The following ZNF286A variants were observed in gnomAD, a reference collection of about 807,000 sequenced individuals.
ZNF286A encodes the protein zinc finger protein 286A, also known as zinc finger protein ZNF286.
Under a neutral mutation model 49.3 loss-of-function variants are expected in ZNF286A, and 34 were observed. That is an observed-to-expected ratio of 0.69 (90% CI 0.52 to 0.92). The LOEUF (loss-of-function observed/expected upper bound fraction) is 0.92, where lower values mean the gene tolerates loss of function less well. ZNF286A is among the 40% of genes least tolerant of loss of function. ZNF286A has a pLI of 0.00. For missense variants in ZNF286A, 462 were observed against 600.2 expected (o/e 0.77, Z 2.41); for synonymous variants, 155 against 200.4 (o/e 0.77, Z 1.91).
Position 15,716,731 on chromosome 17 carries a change from A to T in ZNF286A, c.1007A>T (p.Asn336Ile), listed in dbSNP as rs776510134. Residue 336 changes from asparagine to isoleucine, a missense_variant, in exon 6 of 6, where the codon AAT (asparagine) becomes ATT (isoleucine). Coordinates refer to ENST00000583566, the MANE Select transcript of ZNF286A (RefSeq NM_001130842.2). ...TGCAATGAATGTGGGAAAGGTTTTA[A>T]TCGAAGTACACATCTTGTGCAGCAT... The part of the protein sequence containing the change: ...YECNECGKGF[N>I]RSTHLVQHQL... 2.9e-5 allele frequency: 46 copies of T among 1,613,800 alleles called. No individual in the cohort carries two copies. The highest frequency in any genetic ancestry group is 3.8e-5 in the Non-Finnish European group (45 of 1,179,858).
In ZNF286A at chr17:15,717,013, G is replaced by T. The variant is rs1193032147; in HGVS notation, c.1289G>T (p.Arg430Ile). 1.2e-6 allele frequency: 2 copies of T among 1,614,036 alleles called. No individual in the cohort carries two copies. Among genetic ancestry groups the T allele is most frequent in the Non-Finnish European group, 8.5e-7 (1 of 1,179,994 alleles). Residue 430 changes from arginine (R) to isoleucine (I), a missense_variant, in exon 6 of 6, where the codon AGA becomes ATA. Physicochemically the swap from Arg to Ile is moderately conservative, Grantham distance 97. This residue lies in a region of ZNF286A where 201 missense variants were observed against 311.3 expected (regional missense o/e 0.65). Transcript: ENST00000583566. ...AGCACACATCTTGTTCAACATCAGAGAATTCACACTGGAGAGAAACCCTAT... is the reference window on the plus strand; with the variant it reads ...AGCACACATCTTGTTCAACATCAGATAATTCACACTGGAGAGAAACCCTAT... The part of the protein sequence containing the change: ...SQSTHLVQHQ[R>I]IHTGEKPYEC...
intron 3 of ZNF286A, among the ~76,000 whole-genome samples, chr17:15,703,516 A>G (rs1039230602): frequency 3.2e-4 from 49 of 151,878 alleles, no homozygotes; most frequent in Non-Finnish European, 6.6e-4. Flanking sequence ...ACACAGACAT[A>G]CAGAAATGTA....
rs954650295 is a variant in ZNF286A, at chr17:15,716,299, A to T, written c.575A>T (p.Asp192Val). 1.9e-6 allele frequency: 3 copies of T among 1,613,794 alleles called. No individual in the cohort carries two copies. Among genetic ancestry groups the T allele is most frequent in the Non-Finnish European group, 2.5e-6 (3 of 1,179,850 alleles). Residue 192 changes from aspartate (D) to valine (V), a missense_variant, in exon 6 of 6, where the codon GAT (aspartate) becomes GTT (valine). Physicochemically the swap from Asp to Val is radical, Grantham distance 152. Coordinates refer to ENST00000583566, the MANE Select transcript of ZNF286A (RefSeq NM_001130842.2). ...SLSEETDHKH[D>V]VYWKSFNQKS... ...TCTGAGGAAACAGACCATAAGCATG[A>T]TGTATACTGGAAAAGCTTCAATCAG...
At position 15,716,801 on chromosome 17, in the gene ZNF286A, T is replaced by C; in HGVS notation, c.1077T>C (p.Cys359=). The C allele has an allele frequency of 6.2e-7, 1 of 1,613,920 alleles. No homozygotes were observed. Among genetic ancestry groups the C allele is most frequent in the South Asian group, 1.1e-5 (1 of 91,072 alleles). The part of the protein sequence containing the change: ...TGVKPYECNE[C]DKAFIHSSAL... ...TGAAGCCTTATGAATGTAATGAATG[T>C]GATAAAGCTTTTATTCATTCATCAG... Residue 359 remains cysteine (C), a synonymous_variant, in exon 6 of 6, where the codon TGT becomes TGC. Transcript: ENST00000583566.
chr17:15,704,971 G>C (rs1990109752), intron 3 of ZNF286A: 14 of 1,193,552 alleles, frequency 1.2e-5, no homozygotes, highest in African/African-American at 1.6e-5. Flanking sequence ...GCCGGGGCGG[G>C]GGCCCAACTG....
At chr17:15,707,703 G>C (rs1195296343) in intron 4 of ZNF286A, among the ~76,000 whole-genome samples, 1 of 152,156 alleles carries the variant, frequency 6.6e-6, no homozygotes, top group Admixed American at 6.5e-5. Context: ...CTCCTTACCA[G>C]GCCCAGACTC....
intron 5 of ZNF286A, chr17:15,709,851 G>A (rs1382686469): frequency 6.5e-7 from 1 of 1,546,930 alleles, no homozygotes; most frequent in African/African-American, 1.4e-5. Flanking sequence ...GATTCCTTAT[G>A]TTCATCTTGA....
chr17:15,715,048 T>G (rs1248348699), intron 5 of ZNF286A, among the ~76,000 whole-genome samples: 1 of 152,080 alleles, frequency 6.6e-6, no homozygotes, highest in African/African-American at 2.4e-5. Flanking sequence ...CTACAGTGCT[T>G]AAAATATTTT....
rs1480369248 is a variant in ZNF286A, at chr17:15,704,630, T to A, written c.127-1757T>A. 9.3e-6 allele frequency: 15 copies of A among 1,613,854 alleles called. No individual in the cohort carries two copies. The African/African-American group carries it at 1.7e-4, about 19-fold the overall frequency. Reference sequence around the variant, plus strand: ...AGCACGTTGACGCAGATCTCGCCATTGGCGCCCACGTTCGGGTGGAAGATC... The same window carrying A: ...AGCACGTTGACGCAGATCTCGCCATAGGCGCCCACGTTCGGGTGGAAGATC... On this transcript the variant is annotated intron_variant, in intron 3 of 5. Transcript: ENST00000583566.
intron 5 of ZNF286A, among the ~76,000 whole-genome samples, chr17:15,712,427 T>C (rs1990741975): frequency 6.6e-6 from 1 of 152,234 alleles, no homozygotes; most frequent in Non-Finnish European, 1.5e-5. Context: ...CTTTGTTTGC[T>C]TATGTCAAAG....
At chr17:15,708,322 G>A in intron 5 of ZNF286A, 75 bp downstream of exon 5, 2 of 1,206,290 alleles carry the variant, frequency 1.7e-6, no homozygotes, top group South Asian at 2.0e-5. Flanking sequence ...CAGTGCTTAA[G>A]AAAGTGCCTG....
chr17:15,704,747 C>T (rs954941575), intron 3 of ZNF286A: 4 of 1,614,052 alleles, frequency 2.5e-6, no homozygotes, highest in Non-Finnish European at 3.4e-6. Flanking sequence ...TATGGGGTCC[C>T]TTCAGGGCCC....
At position 15,716,296 on chromosome 17, in the gene ZNF286A, A is replaced by G. The variant is rs769187142; in HGVS notation, c.572A>G (p.His191Arg). Residue 191 changes from histidine to arginine, a missense_variant, in exon 6 of 6, where the codon CAT (histidine) becomes CGT (arginine). His to Arg is a conservative substitution (Grantham distance 29). Coordinates refer to ENST00000583566, the MANE Select transcript of ZNF286A (RefSeq NM_001130842.2). ...NSLSEETDHKHDVYWKSFNQK... is the reference protein window; with the variant it reads ...NSLSEETDHKRDVYWKSFNQK... ...CTCTCTGAGGAAACAGACCATAAGCATGATGTATACTGGAAAAGCTTCAAT... is the reference window on the plus strand; with the variant it reads ...CTCTCTGAGGAAACAGACCATAAGCGTGATGTATACTGGAAAAGCTTCAAT... 2.5e-6 allele frequency: 4 copies of G among 1,613,934 alleles called. No individual in the cohort carries two copies. The highest frequency in any genetic ancestry group is 3.4e-6 in the Non-Finnish European group (4 of 1,179,840).
Position 15,706,380 on chromosome 17 carries a change from G to A in ZNF286A, c.127-7G>A, listed in dbSNP as rs1348400450. ...AAAGATGTTGAAAAAAATATTTTATGTTTTAGGAAACAGTGACATTCAAGG... is the reference window on the plus strand; with the variant it reads ...AAAGATGTTGAAAAAAATATTTTATATTTTAGGAAACAGTGACATTCAAGG... On this transcript the variant is annotated splice_polypyrimidine_tract_variant and splice_region_variant and intron_variant, in intron 3 of 5. Transcript: ENST00000583566. 3.1e-6 allele frequency: 5 copies of A among 1,610,128 alleles called. No individual in the cohort carries two copies. The highest frequency in any genetic ancestry group is 2.7e-5 in the African/African-American group (2 of 74,858).
chr17:15,712,250 A>G (rs1295290448), intron 5 of ZNF286A, among the ~76,000 whole-genome samples: 2 of 152,188 alleles, frequency 1.3e-5, no homozygotes, highest in Non-Finnish European at 2.9e-5. Flanking sequence ...AAATGTGTCT[A>G]AGGTCTGATT....
At position 15,716,214 on chromosome 17, in the gene ZNF286A, A is replaced by G. The variant is rs1397856014; in HGVS notation, c.490A>G (p.Asn164Asp). The G allele has an allele frequency of 6.2e-7, 1 of 1,613,908 alleles. No individual in the cohort carries two copies. The highest frequency in any genetic ancestry group is 1.1e-5 in the South Asian group (1 of 91,074). The change falls in exon 6 of 6, where the codon AAT becomes GAT. Residue 164 changes from asparagine to aspartate, a missense_variant. By Grantham distance (23) the Asn-to-Asp change is conservative. Coordinates refer to ENST00000583566, the MANE Select transcript of ZNF286A (RefSeq NM_001130842.2). ...AALECENWLE[N>D]QQGNQERHLR... ...CCTTGAATGTGAAAATTGGTTAGAGAATCAGCAAGGAAATCAGGAGAGACA... is the reference window on the plus strand; with the variant it reads ...CCTTGAATGTGAAAATTGGTTAGAGGATCAGCAAGGAAATCAGGAGAGACA...
chr17:15,704,249 C>T, intron 3 of ZNF286A: 1 of 1,604,124 alleles, frequency 6.2e-7, no homozygotes, highest in Non-Finnish European at 8.5e-7. Flanking sequence ...CGCCGCAGCG[C>T]CCGCTTCTTG....
intron 3 of ZNF286A, chr17:15,704,950 T>TAAAGCGTGTTTAAAGCTACAAAATTTC (rs1990104513): frequency 6.7e-7 from 1 of 1,486,274 alleles, no homozygotes; most frequent in Non-Finnish European, 9.0e-7. Context: ...CCTGCGTTCT[T>TAAAGCGTGTTTAAAGCTACAAAATTTC]CGGTCCGCCG....
intron 5 of ZNF286A, among the ~76,000 whole-genome samples, chr17:15,713,210 G>C (rs1049065792): frequency 2.0e-5 from 3 of 152,164 alleles, no homozygotes; most frequent in Non-Finnish European, 4.4e-5. Context: ...GAGCAATAAA[G>C]TGAGACCCCA....
Sources: allele counts gnomAD v4.1 joint callset (sites outside exome capture counted in the v4.1 genomes callset), GRCh38; gene constraint gnomAD v4.1.1; regional missense constraint gnomAD v4.1.1; transcripts MANE v1.5; gene names NCBI Gene and HGNC (gene_info 2026-07-23, HGNC 2026-07-21).